The following PLCB1 variants were observed in gnomAD, a reference collection of about 807,000 sequenced individuals.
PLCB1 encodes phospholipase C beta 1.
A neutral mutation model predicts 161.8 loss-of-function variants in PLCB1; 46 were observed. That is an observed-to-expected ratio of 0.28 (90% CI 0.22 to 0.36). The LOEUF is 0.36. PLCB1 is among the 10% of genes least tolerant of loss of function. The pLI, the probability that PLCB1 is intolerant of heterozygous loss-of-function variation, is 1.00. For synonymous variants in PLCB1, 517 were observed against 503.7 expected (o/e 1.03, Z -0.35); for missense variants, 1,016 against 1,472.5 (o/e 0.69, Z 5.07).
At chr20:8,374,394 A>C (rs1247683998) in intron 3 of PLCB1, among the ~76,000 whole-genome samples, 1 of 152,168 alleles carries the variant, frequency 6.6e-6, no homozygotes, top group Non-Finnish European at 1.5e-5. Context: ...TTTGTTTTGT[A>C]AACTACCATC....
intron 3 of PLCB1, among the ~76,000 whole-genome samples, chr20:8,547,399 G>C (rs1985592666): frequency 6.6e-6 from 1 of 152,144 alleles, no homozygotes; most frequent in African/African-American, 2.4e-5. Flanking sequence ...CTGAGACTCA[G>C]GAAACTAGTC....
Position 8,546,876 on chromosome 20 carries a change from G to C in PLCB1, c.247-81418G>C, listed in dbSNP as rs1165229052. ...TAAATGAGTTCTTTTGAATTCATCT[G>C]TGCTTTTCTAAATATTATCTTCTGG... is the stretch of plus-strand genomic sequence containing the variant. On this transcript the variant is annotated intron_variant, in intron 3 of 31. Coordinates refer to ENST00000338037, the MANE Select transcript of PLCB1 (RefSeq NM_015192.4). Among the ~76,000 whole-genome samples the C allele has an allele frequency of 4.6e-5, 7 of 151,192 alleles. No individual in the cohort carries two copies. The East Asian group carries it at 1.4e-3, about 29-fold the overall frequency.
intron 7 of PLCB1, among the ~76,000 whole-genome samples, chr20:8,650,193 T>C (rs1389699852): frequency 6.6e-6 from 1 of 152,154 alleles, no homozygotes; most frequent in Non-Finnish European, 1.5e-5. Context: ...TATTAGCTAA[T>C]GATAGTGTTG....
chr20:8,256,453 G>A (rs1222441784), intron 2 of PLCB1, among the ~76,000 whole-genome samples: 1 of 152,038 alleles, frequency 6.6e-6, no homozygotes, highest in African/African-American at 2.4e-5. Context: ...CCTGTTCAAA[G>A]GGCAAAGACA....
At chr20:8,530,625 G>A (rs564353064) in intron 3 of PLCB1, among the ~76,000 whole-genome samples, 118 of 152,080 alleles carry the variant, frequency 7.8e-4, no homozygotes, top group African/African-American at 2.6e-3. Flanking sequence ...TAGGTTTTAC[G>A]AATGCCCACA....
intron 2 of PLCB1, among the ~76,000 whole-genome samples, chr20:8,267,222 T>G (rs573828298): frequency 0.53 from 5,836 of 10,994 alleles, 366 homozygotes; most frequent in African/African-American, 0.53. Flanking sequence ...GTTGGCTTTG[T>G]GCCAGATCCC....
chr20:8,163,040 G>T (rs1490893629), intron 2 of PLCB1, among the ~76,000 whole-genome samples: 3 of 152,200 alleles, frequency 2.0e-5, no homozygotes, highest in African/African-American at 7.2e-5. Context: ...CAGGTTTCTG[G>T]TGTTTGTAGG....
chr20:8,826,483 G>A (rs149509205), intron 31 of PLCB1, among the ~76,000 whole-genome samples: 2,054 of 136,854 alleles, frequency 0.015, 40 homozygotes, highest in African/African-American at 0.049. Flanking sequence ...GCAACAGAGC[G>A]AGACTCCGTC....
At chr20:8,152,596 G>A (rs2123036185) in intron 2 of PLCB1, among the ~76,000 whole-genome samples, 1 of 151,976 alleles carries the variant, frequency 6.6e-6, no homozygotes, top group South Asian at 2.1e-4. Flanking sequence ...ATTAGTTTTA[G>A]GAATCTGCCA....
intron 27 of PLCB1, among the ~76,000 whole-genome samples, chr20:8,784,693 CAT>C (rs1407446129): frequency 2.6e-5 from 4 of 152,112 alleles, no homozygotes; most frequent in African/African-American, 9.7e-5. Flanking sequence ...CCTCTGAAAA[CAT>C]ATACTCCTTG....
At chr20:8,696,947 A>T (rs997062795) in intron 10 of PLCB1, among the ~76,000 whole-genome samples, 1 of 152,084 alleles carries the variant, frequency 6.6e-6, no homozygotes, top group Non-Finnish European at 1.5e-5. Context: ...GTTAGCCAGG[A>T]TGGTCTCGAT....
intron 31 of PLCB1, among the ~76,000 whole-genome samples, chr20:8,824,240 C>T (rs1275617911): frequency 2.0e-5 from 3 of 152,088 alleles, no homozygotes; most frequent in African/African-American, 7.2e-5. Context: ...CATCTGGCTG[C>T]ATGAATCAAT....
Position 8,802,129 on chromosome 20 carries a change from C to T in PLCB1, c.3423+11868C>T, listed in dbSNP as rs138434221. The T allele has an allele frequency of 3.7e-6, 6 of 1,612,704 alleles. No homozygotes were observed. The African/African-American group carries it at 5.3e-5, about 14-fold the overall frequency. ...TCTGTTTCCCCCAACTTTACTCCCC[C>T]CAACCCTCAAGCTCTCAAGTGGTGA... On this transcript the variant is annotated intron_variant, in intron 31 of 31. Transcript: ENST00000338037.
At chr20:8,266,820 C>T (rs1435353602) in intron 2 of PLCB1, among the ~76,000 whole-genome samples, 1 of 152,094 alleles carries the variant, frequency 6.6e-6, no homozygotes, top group Non-Finnish European at 1.5e-5. Context: ...GGGTGGACCA[C>T]CTGAGGTCAG....
intron 31 of PLCB1, among the ~76,000 whole-genome samples, chr20:8,805,661 A>G (rs1421791435): frequency 1.3e-5 from 2 of 152,234 alleles, no homozygotes; most frequent in Non-Finnish European, 2.9e-5. Context: ...TTACCACTGT[A>G]CATTTGGAGA....
chr20:8,872,707 T>C (rs1433583411), intron 31 of PLCB1, among the ~76,000 whole-genome samples: 1 of 152,144 alleles, frequency 6.6e-6, no homozygotes, highest in African/African-American at 2.4e-5. Context: ...CTAATTCCCT[T>C]TGTGGATGTT....
chr20:8,245,871 T>G (rs902295691), intron 2 of PLCB1, among the ~76,000 whole-genome samples: 1 of 151,958 alleles, frequency 6.6e-6, no homozygotes, highest in African/African-American at 2.4e-5. Context: ...CTGTGTAGTA[T>G]TATTCTTTTA....
intron 31 of PLCB1, chr20:8,831,408 A>G (rs1291684715): frequency 6.6e-6 from 1 of 152,622 alleles, no homozygotes; most frequent in African/African-American, 2.4e-5. Context: ...AGAGCACCCA[A>G]TCTGGATCTA....
chr20:8,363,809 C>T (rs1053198460), intron 2 of PLCB1, among the ~76,000 whole-genome samples: 5 of 152,228 alleles, frequency 3.3e-5, no homozygotes, highest in Non-Finnish European at 7.4e-5. Context: ...AGTTGACCAA[C>T]AGTAGTCAAT....
Sources: gnomAD v4.1 joint callset for allele counts (sites outside exome capture counted in the v4.1 genomes callset) on GRCh38, gnomAD v4.1.1 for gene constraint, MANE v1.5 for transcripts, NCBI Gene and HGNC (gene_info 2026-07-23, HGNC 2026-07-21) for gene names.